RDX: variants seen among roughly 807,000 people sequenced by gnomAD.
RDX encodes deafness, autosomal recessive 24.
A neutral mutation model predicts 83.7 loss-of-function variants in RDX; 32 were observed. That is an observed-to-expected ratio of 0.38 (90% CI 0.29 to 0.51). The LOEUF (loss-of-function observed/expected upper bound fraction) is 0.51, where lower values mean the gene tolerates loss of function less well. RDX is among the 20% of genes least tolerant of loss of function. RDX has a pLI of 0.87. For missense variants in RDX, 600 were observed against 689.9 expected (o/e 0.87, Z 1.46); for synonymous variants, 229 against 222.7 (o/e 1.03, Z -0.25).
At chr11:110,232,639 G>A (rs1430717998) in intron 13 of RDX, among the ~76,000 whole-genome samples, 1 of 151,222 alleles carries the variant, frequency 6.6e-6, no homozygotes, top group African/African-American at 2.4e-5. Flanking sequence ...TTATTTTTTT[G>A]AGACAGAGTC....
chr11:110,288,701 C>T (rs931856566), intron 1 of RDX, among the ~76,000 whole-genome samples: 16 of 152,128 alleles, frequency 1.1e-4, no homozygotes, highest in African/African-American at 3.9e-4. Context: ...AAAAATTAAG[C>T]TTCTAATTTT....
chr11:110,285,221 T>C (rs1288129753), intron 1 of RDX, among the ~76,000 whole-genome samples: 1 of 151,634 alleles, frequency 6.6e-6, no homozygotes, highest in African/African-American at 2.4e-5. Flanking sequence ...ACCCGGTCTC[T>C]ACTAAAAATA....
At chr11:110,284,834 T>C (rs1860917264) in intron 1 of RDX, among the ~76,000 whole-genome samples, 1 of 152,172 alleles carries the variant, frequency 6.6e-6, no homozygotes, top group African/African-American at 2.4e-5. Context: ...ACACAGGTAT[T>C]ATTAAAAAGG....
intron 9 of RDX, 196 bp downstream of exon 9, chr11:110,253,750 T>TA (rs752089443): frequency 7.3e-5 from 42 of 576,126 alleles, no homozygotes; most frequent in Admixed American, 1.2e-4. Flanking sequence ...TTCTTCGAGA[T>TA]ATGTGTCAAA....
At chr11:110,180,307 G>T (rs1181486979) in intron 15 of RDX, among the ~76,000 whole-genome samples, 1 of 152,030 alleles carries the variant, frequency 6.6e-6, no homozygotes, top group East Asian at 1.9e-4. Flanking sequence ...AGCCAAATTG[G>T]ACCCCATCCT....
At chr11:110,196,277 T>C (rs1228965635) in intron 15 of RDX, 4 of 152,226 alleles carry the variant, frequency 2.6e-5, no homozygotes, top group Non-Finnish European at 5.9e-5. Context: ...CTGAATGTCT[T>C]TGCACATTTT....
In RDX at chr11:110,233,468, G is replaced by T; in HGVS notation, c.1356C>A (p.Ala452=). The change falls in exon 13 of 14, where the codon GCC becomes GCA. Residue 452 remains alanine, a synonymous_variant. Transcript: ENST00000645495. ...ATEWQHKAFA[A]QEDLEKTKEE... Reference sequence around the variant, plus strand: ...CTTTGGTCTTTTCCAAGTCTTCCTGGGCTGCAAAAGCCTGAACATTAAAAA... The same window carrying T: ...CTTTGGTCTTTTCCAAGTCTTCCTGTGCTGCAAAAGCCTGAACATTAAAAA... The T allele has an allele frequency of 6.2e-7, 1 of 1,613,856 alleles. No individual in the cohort carries two copies. Among genetic ancestry groups the T allele is most frequent in the Middle Eastern group, 1.7e-4 (1 of 6,056 alleles).
At chr11:110,239,427 ACTGT>A (rs368676867) in intron 10 of RDX, among the ~76,000 whole-genome samples, 9 of 152,342 alleles carry the variant, frequency 5.9e-5, no homozygotes, top group East Asian at 1.9e-4. Context: ...GTGTCTACAA[ACTGT>A]CTATCTAAAA....
At chr11:110,293,155 C>A (rs1861311026) in intron 1 of RDX, among the ~76,000 whole-genome samples, 1 of 151,986 alleles carries the variant, frequency 6.6e-6, no homozygotes, top group Non-Finnish European at 1.5e-5. Context: ...ACAATATAAC[C>A]CTATTTTAAC....
intron 15 of RDX, among the ~76,000 whole-genome samples, chr11:110,182,169 C>T (rs1282170252): frequency 6.6e-6 from 1 of 152,216 alleles, no homozygotes; most frequent in African/African-American, 2.4e-5. Context: ...TACTGAGCTC[C>T]ACAGATTCCT....
In RDX at chr11:110,218,627, C is replaced by T. The variant is rs75652657; in HGVS notation, c.1748+13246G>A. The stretch of plus-strand genomic sequence containing the variant: ...CATGATTTTCTAGTATTTCACGGTA[C>T]TACCTTCTGAATCCCAAACTTTACG... On this transcript the variant is annotated intron_variant, in intron 14 of 15. Transcript: ENST00000528498. Among the ~76,000 whole-genome samples the T allele has an allele frequency of 2.8e-3, 426 of 152,330 alleles. 3 individuals are homozygous for T. Among genetic ancestry groups the T allele is most frequent in the African/African-American group, 9.9e-3 (410 of 41,564 alleles).
intron 2 of RDX, among the ~76,000 whole-genome samples, chr11:110,276,772 T>C (rs2134415074): frequency 6.6e-6 from 1 of 152,318 alleles, no homozygotes; most frequent in East Asian, 1.9e-4. Flanking sequence ...TAAATATGGA[T>C]CCACAGTTCC....
chr11:110,237,463 C>CT lies in RDX; in HGVS notation c.1251+28dup, dbSNP rs146897708. 2.5e-3 allele frequency: 4,001 copies of CT among 1,609,068 alleles called. 76 individuals are homozygous for CT. In the African/African-American group the frequency reaches 0.045, roughly 18 times the overall value. The stretch of plus-strand genomic sequence containing the variant: ...GGTTCACTCTATGCTTTTATTTAAA[C>CT]TTTTTTCTCTAAGAAGACAGTTCCT... On this transcript the variant is annotated intron_variant, in intron 11 of 13. Coordinates refer to ENST00000645495, the MANE Select transcript of RDX (RefSeq NM_002906.4).
chr11:110,225,425 C>T (rs1364303313), downstream of RDX, among the ~76,000 whole-genome samples: 3 of 151,944 alleles, frequency 2.0e-5, no homozygotes, highest in Admixed American at 1.3e-4. Context: ...GAAAAATAAA[C>T]AATTTTAAAA....
chr11:110,177,201 G>T (rs765542110), intron 15 of RDX, among the ~76,000 whole-genome samples: 3 of 152,234 alleles, frequency 2.0e-5, no homozygotes, highest in Non-Finnish European at 4.4e-5. Flanking sequence ...GACAGGAACG[G>T]TGAGACTCCA....
rs573262935 is a variant in RDX at position 110,282,197 on chromosome 11, CAT to C, written c.-64-2443_-64-2442del. ...TCAAATTCTTCACACATATATAAGACATGTGTGTCTGCATCAAAACTTTGGCC... is the reference window on the plus strand; with the variant it reads ...TCAAATTCTTCACACATATATAAGACGTGTGTCTGCATCAAAACTTTGGCC... On this transcript the variant is annotated intron_variant, in intron 1 of 13. Coordinates refer to ENST00000645495, the MANE Select transcript of RDX (RefSeq NM_002906.4). Among the ~76,000 whole-genome samples, 193 of 152,274 alleles carry C rather than the reference CAT, an allele frequency of 1.3e-3. 1 individual carries two copies. The highest frequency in any genetic ancestry group is 3.8e-3 in the Admixed American group (58 of 15,292).
At position 110,258,050 on chromosome 11, in the gene RDX, G is replaced by A. The variant is rs535308086; in HGVS notation, c.551+56C>T. On this transcript the variant is annotated intron_variant, in intron 6 of 13. Transcript: ENST00000645495. The stretch of plus-strand genomic sequence containing the variant: ...GAAATAATGTAATAATAAATGTTAC[G>A]ACATGAAAATACTTTGAAGGAAAAA... The A allele has an allele frequency of 5.4e-5, 79 of 1,469,698 alleles. No homozygotes were observed. In the East Asian group the frequency reaches 7.3e-4, roughly 14 times the overall value. The allele number at this position is 1,469,698 out of a possible 1,614,324, so 91.0% of individuals were successfully genotyped here.
intron 10 of RDX, 37 bp from the exon 11 acceptor site, chr11:110,237,689 T>C (rs1864916817): frequency 5.6e-6 from 9 of 1,600,076 alleles, no homozygotes; most frequent in South Asian, 1.1e-5. Flanking sequence ...CAGTGATTAA[T>C]TCCAATCATT....
intron 15 of RDX, among the ~76,000 whole-genome samples, chr11:110,189,866 C>T (rs996899543): frequency 6.6e-6 from 1 of 152,002 alleles, no homozygotes; most frequent in Admixed American, 6.6e-5. Flanking sequence ...GGCAGATCAC[C>T]TGAGTTCAGG....
Sources: allele counts gnomAD v4.1 joint callset (sites outside exome capture counted in the v4.1 genomes callset), GRCh38; gene constraint gnomAD v4.1.1; transcripts MANE v1.5; gene names NCBI Gene and HGNC (gene_info 2026-07-23, HGNC 2026-07-21).